Variants in SLC39A11 observed in about 807,000 individuals in gnomAD.
The protein encoded by SLC39A11 is solute carrier family 39 member 11, also known as zinc transporter ZIP11.
A neutral mutation model predicts 36.1 loss-of-function variants in SLC39A11; 33 were observed. The ratio of observed to expected loss-of-function variants is 0.91; its 90% confidence interval spans 0.69 to 1.22. The LOEUF (loss-of-function observed/expected upper bound fraction) is 1.22. SLC39A11 is among the 50% of genes most tolerant of loss of function. The pLI is 0.00. For synonymous variants in SLC39A11, 166 were observed against 170.3 expected, an observed-to-expected ratio of 0.97 and a Z score of 0.20; for missense variants, 432 against 430.3, an observed-to-expected ratio of 1.00 and a Z score of -0.03.
intron 5 of SLC39A11, among the ~76,000 whole-genome samples, chr17:72,903,697 A>G (rs552634398): frequency 6.6e-6 from 1 of 152,274 alleles, no homozygotes; most frequent in Non-Finnish European, 1.5e-5. Context: ...GAGAGAAGAT[A>G]ATGGAGGAAA....
At position 72,915,693 on chromosome 17, in the gene SLC39A11, G is replaced by A. The variant is rs537369107; in HGVS notation, c.430+32059C>T. On this transcript the variant is annotated intron_variant, in intron 5 of 9. Transcript: ENST00000255559. ...CACCTTGGGAATCCTGGCAGTGGGCGAAAGCCGAGCCAGTCTGACAATAAC... is the reference window on the plus strand; with the variant it reads ...CACCTTGGGAATCCTGGCAGTGGGCAAAAGCCGAGCCAGTCTGACAATAAC... Among the ~76,000 whole-genome samples, 346 of 152,296 alleles carry A rather than the reference G, an allele frequency of 2.3e-3. 2 individuals carry two copies. Among genetic ancestry groups the A allele is most frequent in the African/African-American group, 7.4e-3 (307 of 41,554 alleles).
intron 4 of SLC39A11, among the ~76,000 whole-genome samples, chr17:73,013,339 C>A (rs1376205743): frequency 1.3e-5 from 2 of 152,268 alleles, no homozygotes; most frequent in African/African-American, 4.8e-5. Context: ...CCACCCACCT[C>A]AGCCTCCCAA....
chr17:73,060,210 C>CAAAAAAAAAAAAAAAAAA (rs33931672), intron 3 of SLC39A11, among the ~76,000 whole-genome samples: 2 of 70,340 alleles, frequency 2.8e-5, no homozygotes, highest in Admixed American at 1.8e-4. Context: ...AACTCCATCT[C>CAAAAAAAAAAAAAAAAAA]AAAAAAAAAA....
chr17:72,899,595 T>C (rs1457094627), intron 5 of SLC39A11, among the ~76,000 whole-genome samples: 3 of 152,096 alleles, frequency 2.0e-5, no homozygotes, highest in African/African-American at 7.2e-5. Context: ...ATTATAGCAA[T>C]GGGCAAATCA....
intron 5 of SLC39A11, among the ~76,000 whole-genome samples, chr17:72,872,413 C>A (rs1367209794): frequency 5.3e-5 from 8 of 152,160 alleles, no homozygotes; most frequent in Admixed American, 5.2e-4. Context: ...CGGGTACAAC[C>A]CACCCAACTC....
chr17:72,695,674 G>T (rs1009571734), intron 7 of SLC39A11, among the ~76,000 whole-genome samples: 9 of 152,338 alleles, frequency 5.9e-5, no homozygotes, highest in South Asian at 4.1e-4. Context: ...GATCATTCTA[G>T]ATTATCTAGG....
At chr17:72,826,339 A>T (rs2078027137) in intron 6 of SLC39A11, among the ~76,000 whole-genome samples, 1 of 152,112 alleles carries the variant, frequency 6.6e-6, no homozygotes, top group South Asian at 2.1e-4. Context: ...CTCAGCCATG[A>T]TTCCTGTACA....
intron 4 of SLC39A11, among the ~76,000 whole-genome samples, chr17:72,976,744 G>A (rs777045689): frequency 3.2e-4 from 49 of 152,158 alleles, no homozygotes; most frequent in Non-Finnish European, 4.7e-4. Flanking sequence ...CAGCTCCTCG[G>A]GAGGCTGAGG....
chr17:72,787,476 C>T (rs2076561339), intron 6 of SLC39A11, among the ~76,000 whole-genome samples: 1 of 151,822 alleles, frequency 6.6e-6, no homozygotes, highest in Admixed American at 6.6e-5. Context: ...CCAAGATTGT[C>T]TCGATCTCCT....
chr17:72,804,005 G>A (rs909584715), intron 6 of SLC39A11, among the ~76,000 whole-genome samples: 3 of 149,704 alleles, frequency 2.0e-5, no homozygotes, highest in Admixed American at 2.0e-4. Flanking sequence ...TCTTTTTTGG[G>A]TGGGGGCGGG....
chr17:72,661,389 G>A (rs369521049), intron 7 of SLC39A11, among the ~76,000 whole-genome samples: 2 of 152,252 alleles, frequency 1.3e-5, no homozygotes, highest in Non-Finnish European at 2.9e-5. Flanking sequence ...GCGAAGGGAC[G>A]GCAACCTGCA....
At chr17:73,057,851 C>T (rs759301466) in intron 3 of SLC39A11, among the ~76,000 whole-genome samples, 3 of 152,146 alleles carry the variant, frequency 2.0e-5, no homozygotes, top group East Asian at 1.9e-4. Context: ...GCACAAGAAT[C>T]GCTTGAACCC....
At chr17:72,736,968 T>C (rs1016564134) in intron 6 of SLC39A11, among the ~76,000 whole-genome samples, 3 of 152,158 alleles carry the variant, frequency 2.0e-5, no homozygotes, top group Admixed American at 1.3e-4. Flanking sequence ...GACTATTTCA[T>C]GATACATGAA....
At chr17:72,901,775 G>C (rs2082403980) in intron 5 of SLC39A11, among the ~76,000 whole-genome samples, 1 of 152,202 alleles carries the variant, frequency 6.6e-6, no homozygotes, top group Non-Finnish European at 1.5e-5. Flanking sequence ...ACACTGCTAA[G>C]ACTCTTAACA....
intron 6 of SLC39A11, among the ~76,000 whole-genome samples, chr17:72,766,031 G>A (rs1001670743): frequency 2.0e-5 from 3 of 152,172 alleles, no homozygotes; most frequent in African/African-American, 7.2e-5. Flanking sequence ...AAGAGCTTAT[G>A]GTGGAACGTG....
intron 7 of SLC39A11, among the ~76,000 whole-genome samples, chr17:72,674,818 C>T (rs1189263725): frequency 6.6e-6 from 1 of 152,086 alleles, no homozygotes; most frequent in African/African-American, 2.4e-5. Flanking sequence ...TTCTCATCTG[C>T]TTGAGGATGA....
chr17:73,003,525 G>A (rs62070922), intron 4 of SLC39A11, among the ~76,000 whole-genome samples: 1 of 152,132 alleles, frequency 6.6e-6, no homozygotes, highest in Admixed American at 6.5e-5. Context: ...GGATGAGACT[G>A]GTGCCTGTTT....
At chr17:72,763,317 C>A (rs1315739654) in intron 6 of SLC39A11, among the ~76,000 whole-genome samples, 2 of 152,156 alleles carry the variant, frequency 1.3e-5, no homozygotes, top group African/African-American at 4.8e-5. Context: ...TGCTATTTAA[C>A]AATGTTTAAA....
intron 5 of SLC39A11, among the ~76,000 whole-genome samples, chr17:72,853,164 G>A (rs1349032061): frequency 2.0e-5 from 3 of 150,740 alleles, no homozygotes; most frequent in Non-Finnish European, 2.9e-5. Flanking sequence ...ATAGGTGCAC[G>A]CCACCATGGC....
Sources: gnomAD v4.1 joint callset for allele counts (sites outside exome capture counted in the v4.1 genomes callset) on GRCh38, gnomAD v4.1.1 for gene constraint, MANE v1.5 for transcripts, NCBI Gene and HGNC (gene_info 2026-07-23, HGNC 2026-07-21) for gene names.